MSL3: variants seen among roughly 807,000 people sequenced by gnomAD.
MSL3 encodes the protein MSL complex subunit 3.
A neutral mutation model predicts 37.2 loss-of-function variants in MSL3; 5 were observed. The ratio of observed to expected loss-of-function variants is 0.13; its 90% CI spans 0.07 to 0.28. The LOEUF (loss-of-function observed/expected upper bound fraction) is 0.28. Ranked by LOEUF, MSL3 falls within the 10% of genes least tolerant of loss-of-function variation. The probability of loss-of-function intolerance (pLI) is 1.00; values close to 1 mark genes in which losing one functional copy is unlikely to be tolerated. For synonymous variants in MSL3, 149 were observed against 147.6 expected (o/e 1.01, Z -0.07); for missense variants, 315 against 408.5 (o/e 0.77, Z 1.97).
chrX:11,766,427 T>G (rs184250611), intron 9 of MSL3: 914 of 752,808 alleles, frequency 1.2e-3, no homozygotes, highest in Non-Finnish European at 1.3e-3. Context: ...CTGTAGAAAC[T>G]AACATTAGCT....
chrX:11,772,783 G>A lies in MSL3; in HGVS notation c.1466+78G>A, dbSNP rs201950734. ...TCTGAACTTCTCTTTAGCACATGGG[G>A]AAGTCAGCTCTGTGATATTTTAAAT... On this transcript the variant is annotated intron_variant, in intron 12 of 12. Transcript: ENST00000312196. 9.0e-5 allele frequency: 49 copies of A among 542,703 alleles called. No homozygotes were observed. The East Asian group carries it at 1.6e-3, about 18-fold the overall frequency. 44.7% of individuals were successfully genotyped at this position (542,703 alleles called of 1,213,427 possible).
rs750928423 is a variant in MSL3, at chrX:11,758,401, T to TGGGGGACCCGGGACC, written c.102+42_102+56dup. ...GGAGGGACAGGGAGGAGGCGCGGGC[T>TGGGGGACCCGGGACC]GGGGGACCCGGGACCGGGGGCGGGG... On this transcript the variant is annotated intron_variant, in intron 1 of 12. Coordinates refer to ENST00000312196, the MANE Select transcript of MSL3 (RefSeq NM_078629.4). The TGGGGGACCCGGGACC allele has an allele frequency of 7.6e-4, 652 of 862,022 alleles. 3 individuals are homozygous for TGGGGGACCCGGGACC. In the African/African-American group the frequency reaches 0.013, roughly 17 times the overall value. The allele number at this position is 862,022 out of a possible 1,213,427, so 71.0% of individuals were successfully genotyped here. A position where few individuals can be genotyped will look rare whatever the true frequency, so the allele number is the denominator to read the frequency against.
chrX:11,761,668 G>T, intron 5 of MSL3, 86 bp downstream of exon 5: 1 of 500,868 alleles, frequency 2.0e-6, no homozygotes, highest in Non-Finnish European at 3.2e-6. Context: ...GTTGTGAATT[G>T]TTTTCTAAAG....
At chrX:11,772,777 C>A in intron 12 of MSL3, 72 bp downstream of exon 12, 2 of 571,266 alleles carry the variant, frequency 3.5e-6, no homozygotes, top group South Asian at 3.2e-5. Context: ...CTCTTTAGCA[C>A]ATGGGGAAGT....
At chrX:11,774,778 G>A (rs1440642231) in intron 12 of MSL3, among the ~76,000 whole-genome samples, 34 of 111,173 alleles carry the variant, frequency 3.1e-4, no homozygotes. Context: ...TGATGGTGAA[G>A]GCATTCAGAT....
chrX:11,772,305 T>C (rs1475823886), intron 11 of MSL3, 50 bp downstream of exon 11: 4 of 1,023,654 alleles, frequency 3.9e-6, no homozygotes, highest in Non-Finnish European at 4.1e-6. Context: ...TTGTATTCTC[T>C]TGTTAGCTTT....
At chrX:11,763,557 G>A (rs1188446421) in intron 7 of MSL3, among the ~76,000 whole-genome samples, 1 of 112,749 alleles carries the variant, frequency 8.9e-6, no homozygotes, top group African/African-American at 3.2e-5. Flanking sequence ...ATTTATTTGT[G>A]TTTAATGGGG....
Position 11,758,727 on chromosome X carries a change from C to T in MSL3, c.102+362C>T, listed in dbSNP as rs1601764289. The T allele has an allele frequency of 1.7e-6, 2 of 1,167,205 alleles. No individual in the cohort carries two copies. On this transcript the variant is annotated intron_variant, in intron 1 of 12. Transcript: ENST00000312196. Reference sequence around the variant, plus strand: ...CGTTAAATGTCTCCTTCTGTGCGGCCTGGTGCCGGGTGGGCTCCTGTGGGA... The same window carrying T: ...CGTTAAATGTCTCCTTCTGTGCGGCTTGGTGCCGGGTGGGCTCCTGTGGGA...
Position 11,775,304 on chromosome X carries a change from T to C in MSL3, c.*225T>C. On this transcript the variant is annotated 3_prime_UTR_variant, in exon 13 of 13. Transcript: ENST00000312196. The stretch of plus-strand genomic sequence containing the variant: ...GACACTTGTTACTTTGCAGGCCATC[T>C]GTGATGGCAAGGAAAAAGCAACTAT... 2.8e-6 allele frequency: 1 copy of C among 357,659 alleles called. No homozygotes were observed. Among genetic ancestry groups the C allele is most frequent in the Non-Finnish European group, 4.8e-6 (1 of 206,995 alleles). 29.5% of individuals were successfully genotyped at this position (357,659 alleles called of 1,213,427 possible).
chrX:11,760,592 TATC>T (rs1457997388), intron 3 of MSL3, 94 bp downstream of exon 3: 10 of 572,332 alleles, frequency 1.7e-5, no homozygotes, highest in South Asian at 4.7e-5. Context: ...CAATGACAAA[TATC>T]ATTTATTAAA....
At chrX:11,767,622 A>G (rs934976372) in intron 9 of MSL3, 2 of 115,384 alleles carry the variant, frequency 1.7e-5, no homozygotes, top group African/African-American at 3.2e-5. Flanking sequence ...CCTGGGCGAC[A>G]CAAAGAGACC....
At position 11,760,934 on chromosome X, in the gene MSL3, A is replaced by T; in HGVS notation, c.379A>T (p.Asn127Tyr). The change falls in exon 4 of 13, where the codon AAC becomes TAC. Residue 127 changes from asparagine (N) to tyrosine (Y), a missense_variant. Transcript: ENST00000312196. The part of the protein sequence containing the change: ...PTEEKDENDE[N>Y]SLSSSSDCSE... ...TGAAGAAAAAGATGAAAATGATGAA[A>T]ACTGTGAGTAGCTTCACTTCATTTC... The T allele has an allele frequency of 8.6e-7, 1 of 1,165,137 alleles. No individual in the cohort carries two copies. The highest frequency in any genetic ancestry group is 3.0e-5 in the East Asian group (1 of 32,962).
In MSL3 at chrX:11,762,250, C is replaced by A; in HGVS notation, c.586C>A (p.Arg196=). 8.7e-7 allele frequency: 1 copy of A among 1,151,402 alleles called. No individual in the cohort carries two copies. The highest frequency in any genetic ancestry group is 1.9e-5 in the African/African-American group (1 of 53,910). The allele number at this position is 1,151,402 out of a possible 1,213,427, so 94.9% of individuals were successfully genotyped here. ...DDCYYINRRK[R]LVKLPCQTNI... is the part of the protein sequence containing the mutation. ...TTGTTACTACATTAACAGGAGGAAA[C>A]GGGTATGTAGGGAGAATGTATAAAA... is the stretch of plus-strand genomic sequence containing the variant. Residue 196 remains arginine, a splice_region_variant and synonymous_variant, in exon 6 of 13, where the codon CGG becomes AGG. Transcript: ENST00000312196.
chrX:11,771,555 C>G (rs1033694779), intron 10 of MSL3, among the ~76,000 whole-genome samples: 5 of 112,529 alleles, frequency 4.4e-5, no homozygotes, highest in Admixed American at 2.8e-4. Context: ...CATTCTCTCT[C>G]TAGTGCAGCA....
At chrX:11,764,139 A>G (rs191717909) in intron 8 of MSL3, 7 of 372,421 alleles carry the variant, frequency 1.9e-5, no homozygotes, top group African/African-American at 1.8e-4. Context: ...GGCAGATTTT[A>G]CCAAGTGAAG....
At chrX:11,759,443 A>G in intron 1 of MSL3, 1 of 222,108 alleles carries the variant, frequency 4.5e-6, no homozygotes, top group Non-Finnish European at 7.3e-6. Flanking sequence ...CCATCCTGGC[A>G]CTGGACATAG....
At chrX:11,772,284 C>T (rs2053239215) in intron 11 of MSL3, 29 bp downstream of exon 11, 1 of 1,094,168 alleles carries the variant, frequency 9.1e-7, no homozygotes, top group Non-Finnish European at 1.3e-6. Context: ...GCCTTCTTTC[C>T]ATTTTTCATT....
intron 7 of MSL3, 98 bp downstream of exon 7, chrX:11,763,095 G>T: frequency 1.5e-6 from 1 of 651,089 alleles, no homozygotes; most frequent in Non-Finnish European, 2.2e-6. Flanking sequence ...CCGTTATTTT[G>T]AATTCATTTA....
intron 10 of MSL3, among the ~76,000 whole-genome samples, chrX:11,770,927 G>T (rs949373975): frequency 2.7e-5 from 3 of 111,939 alleles, no homozygotes; most frequent in Non-Finnish European, 3.8e-5. Flanking sequence ...TGTGTGCACT[G>T]GGCAGGTGCT....
Sources: allele counts gnomAD v4.1 joint callset (sites outside exome capture counted in the v4.1 genomes callset), GRCh38; gene constraint gnomAD v4.1.1; transcripts MANE v1.5; gene names NCBI Gene and HGNC (gene_info 2026-07-23, HGNC 2026-07-21).